FGF13: variants seen among roughly 807,000 people sequenced by gnomAD.
FGF13 encodes fibroblast growth factor homologous factor 2.
FGF13 carries 2 observed loss-of-function variants against 19.5 expected under a neutral mutation model. The observed-to-expected ratio is 0.10, with a 90% CI of 0.04 to 0.32. The LOEUF (loss-of-function observed/expected upper bound fraction) is 0.32. FGF13 is among the 10% of genes least tolerant of loss of function. The pLI, the probability that FGF13 is intolerant of heterozygous loss-of-function variation, is 1.00. For missense variants in FGF13, 113 were observed against 192.7 expected (o/e 0.59, Z 2.45); for synonymous variants, 72 against 76.9 (o/e 0.94, Z 0.33).
chrX:139,071,792 C>G (rs1416775872), intron 1 of FGF13, among the ~76,000 whole-genome samples: 1 of 109,635 alleles, frequency 9.1e-6, no homozygotes, highest in Non-Finnish European at 1.9e-5. Flanking sequence ...CCGAGGCTGG[C>G]AGATCACAAG....
rs2124079380 is a variant in FGF13 at position 138,627,150 on chromosome X, T to G, written c.*5700A>C. The G allele has an allele frequency of 8.9e-6, 1 of 111,770 alleles. No individual in the cohort carries two copies. The highest frequency in any genetic ancestry group is 3.8e-4 in the South Asian group (1 of 2,605). The allele number at this position is 111,770 out of a possible 1,213,427, so 9.2% of individuals were successfully genotyped here. ...CTTTTTCTACAAAATTGACACAGTT[T>G]CAATCCATTTATCTTTGTGTGAATG... On this transcript the variant is annotated 3_prime_UTR_variant, in exon 5 of 5. Transcript: ENST00000315930.
chrX:138,639,650 C>A (rs932612801), intron 3 of FGF13, among the ~76,000 whole-genome samples: 3 of 111,742 alleles, frequency 2.7e-5, no homozygotes, highest in African/African-American at 9.8e-5. Flanking sequence ...ATAATCATGT[C>A]TATTTCTCTT....
chrX:138,643,415 C>T (rs934675383), intron 3 of FGF13, among the ~76,000 whole-genome samples: 3 of 112,097 alleles, frequency 2.7e-5, no homozygotes, highest in Admixed American at 9.4e-5. Context: ...ATGATCCAAA[C>T]GCCTCACTCT....
At chrX:138,721,425 G>A (rs2090146775) in intron 1 of FGF13, among the ~76,000 whole-genome samples, 1 of 111,340 alleles carries the variant, frequency 9.0e-6, no homozygotes, top group African/African-American at 3.3e-5. Context: ...CTCTTCAATT[G>A]TGCTTAATCA....
chrX:139,117,019 C>G (rs978425345), intron 1 of FGF13, among the ~76,000 whole-genome samples: 1 of 111,315 alleles, frequency 9.0e-6, no homozygotes, highest in Non-Finnish European at 1.9e-5. Flanking sequence ...AAGCATATAA[C>G]AGTATTATCA....
At chrX:138,971,642 G>C (rs1023918925) in intron 1 of FGF13, among the ~76,000 whole-genome samples, 4 of 111,092 alleles carry the variant, frequency 3.6e-5, no homozygotes, top group Non-Finnish European at 7.6e-5. Context: ...GTGATGCTTT[G>C]ATACATACAT....
At position 138,809,257 on chromosome X, in the gene FGF13, T is replaced by G. The variant is rs182459149; in HGVS notation, c.217+48255A>C. ...AAAAGCTTATCCATCACGATCAAGT[T>G]GGCTTCATCCCTGGGATGCAAGCCT... On this transcript the variant is annotated intron_variant, in intron 3 of 6. Coordinates refer to the FGF13 transcript ENST00000436198. Among the ~76,000 whole-genome samples, 555 of 111,944 alleles carry G rather than the reference T, an allele frequency of 5.0e-3. 2 individuals are homozygous for G. Among genetic ancestry groups the G allele is most frequent in the Non-Finnish European group, 5.9e-3 (314 of 53,146 alleles).
intron 3 of FGF13, among the ~76,000 whole-genome samples, chrX:138,849,393 A>G (rs1282269351): frequency 8.9e-6 from 1 of 112,163 alleles, no homozygotes; most frequent in Non-Finnish European, 1.9e-5. Context: ...ATTATTGGAA[A>G]ACATTGATCT....
At chrX:138,811,125 G>C (rs2090920363) in intron 3 of FGF13, among the ~76,000 whole-genome samples, 1 of 111,861 alleles carries the variant, frequency 8.9e-6, no homozygotes, top group Non-Finnish European at 1.9e-5. Flanking sequence ...AAATCATGCT[G>C]CTATAAAGAC....
At chrX:138,689,563 G>A (rs929196594) in intron 3 of FGF13, among the ~76,000 whole-genome samples, 1 of 112,191 alleles carries the variant, frequency 8.9e-6, no homozygotes, top group Non-Finnish European at 1.9e-5. Context: ...GGCTTCTGAG[G>A]TTCAAGATAG....
intron 3 of FGF13, among the ~76,000 whole-genome samples, chrX:138,790,620 T>C (rs2090735025): frequency 1.8e-5 from 2 of 112,062 alleles, no homozygotes; most frequent in Non-Finnish European, 3.8e-5. Context: ...TTCTTTGTGT[T>C]TTCTCATCCT....
chrX:139,203,993 C>G, upstream of FGF13: 2 of 1,127,291 alleles, frequency 1.8e-6, no homozygotes, highest in Non-Finnish European at 2.4e-6. Flanking sequence ...CGGAGGGCGG[C>G]GCGCACGCGA....
At chrX:139,054,116 CCTTTTTTTTTTTTTTT>C (rs2092312176) in intron 1 of FGF13, among the ~76,000 whole-genome samples, 1 of 80,471 alleles carries the variant, frequency 1.2e-5, no homozygotes, top group Admixed American at 1.6e-4. Context: ...GGTCTACGTG[CCTTTTTTTTTTTTTTT>C]TTTTTTTTTT....
intron 1 of FGF13, among the ~76,000 whole-genome samples, chrX:138,993,769 G>A (rs1275938454): frequency 1.8e-5 from 2 of 111,664 alleles, no homozygotes; most frequent in African/African-American, 6.5e-5. Flanking sequence ...GTGAAATTGA[G>A]ATAATCCCCA....
chrX:138,942,388 G>A (rs1037823598), intron 1 of FGF13, among the ~76,000 whole-genome samples: 1 of 112,062 alleles, frequency 8.9e-6, no homozygotes. Context: ...ACCAGGGCTG[G>A]AGTGTGTTTT....
chrX:139,095,377 C>CTT (rs1569452642), intron 1 of FGF13, among the ~76,000 whole-genome samples: 2 of 111,943 alleles, frequency 1.8e-5, no homozygotes, highest in African/African-American at 6.5e-5. Flanking sequence ...GATGAGGTCA[C>CTT]TTTTGACCAC....
chrX:138,818,020 C>T (rs957951665), intron 3 of FGF13, among the ~76,000 whole-genome samples: 2 of 111,464 alleles, frequency 1.8e-5, no homozygotes, highest in Non-Finnish European at 3.8e-5. Flanking sequence ...TTTGCACACT[C>T]CTGGTCTGTA....
intron 1 of FGF13, among the ~76,000 whole-genome samples, chrX:139,018,491 AT>A (rs2092163331): frequency 9.0e-6 from 1 of 111,271 alleles, no homozygotes; most frequent in African/African-American, 3.3e-5. Context: ...CAGGTGGCAA[AT>A]TATTTTTGCT....
chrX:139,086,609 T>C (rs2083405280), intron 1 of FGF13, among the ~76,000 whole-genome samples: 1 of 112,543 alleles, frequency 8.9e-6, no homozygotes, highest in African/African-American at 3.2e-5. Context: ...GCAAGTACTC[T>C]GATTTGATCA....
Sources: gnomAD v4.1 joint callset for allele counts (sites outside exome capture counted in the v4.1 genomes callset) on GRCh38, gnomAD v4.1.1 for gene constraint, MANE v1.5 for transcripts, NCBI Gene and HGNC (gene_info 2026-07-23, HGNC 2026-07-21) for gene names.